EPB42: variants seen among roughly 807,000 people sequenced by gnomAD.
EPB42 encodes the protein protein 4.2.
In EPB42, 49 loss-of-function variants were observed where a neutral mutation model predicts 76.9. That is an observed-to-expected ratio of 0.64 (90% CI 0.51 to 0.81). EPB42 has a LOEUF of 0.81. EPB42 is among the 30% of genes least tolerant of loss of function. The pLI, the probability that EPB42 is intolerant of heterozygous loss-of-function variation, is 0.00. For missense variants in EPB42, 731 were observed against 867.6 expected, an observed-to-expected ratio of 0.84 and a Z score of 1.98; for synonymous variants, 310 against 338.4, an observed-to-expected ratio of 0.92 and a Z score of 0.92.
At chr15:43,209,930 G>T (rs1178399901) in intron 5 of EPB42, among the ~76,000 whole-genome samples, 2 of 152,200 alleles carry the variant, frequency 1.3e-5, no homozygotes, top group Non-Finnish European at 1.5e-5. Flanking sequence ...GAAAAGCACC[G>T]AGTTACCATC....
In EPB42 at chr15:43,206,026, T is replaced by G; in HGVS notation, c.1618+304A>C. ...GTACAATTTATTTGGGGGCAGCTTA[T>G]TCCAGCCTGGGGGGAGGTGCTCTCC... On this transcript the variant is annotated intron_variant, in intron 10 of 12. Coordinates refer to ENST00000441366, the MANE Select transcript of EPB42 (RefSeq NM_001114134.2). The surrounding 1 kb of genome is among the most constrained non-coding windows in gnomAD (Gnocchi z 4.7). The G allele has an allele frequency of 9.7e-6, 3 of 308,046 alleles. No homozygotes were observed. The highest frequency in any genetic ancestry group is 4.5e-5 in the Admixed American group (1 of 22,356). 19.1% of individuals were successfully genotyped at this position (308,046 alleles called of 1,614,324 possible). A position where few individuals can be genotyped will look rare whatever the true frequency, so the allele number is the denominator to read the frequency against.
At chr15:43,208,405 T>A (rs188822803) in intron 7 of EPB42, 72 bp from the exon 8 acceptor site, 1 of 1,521,116 alleles carries the variant, frequency 6.6e-7, no homozygotes, top group East Asian at 2.3e-5. Flanking sequence ...AAATGCAGCC[T>A]GGCAGAGCTG....
chr15:43,197,609 T>C, intron 12 of EPB42, 145 bp from the exon 13 acceptor site: 1 of 974,540 alleles, frequency 1.0e-6, no homozygotes, highest in Non-Finnish European at 1.5e-6. Flanking sequence ...TGGAAGTGTT[T>C]ATAAAGGAAT....
chr15:43,201,390 C>A (rs761794051), intron 12 of EPB42, among the ~76,000 whole-genome samples: 1 of 151,974 alleles, frequency 6.6e-6, no homozygotes, highest in Non-Finnish European at 1.5e-5. Flanking sequence ...ACATTTTATA[C>A]GTACGAATAA....
chr15:43,197,620 A>G (rs2042062920), intron 12 of EPB42, among the ~76,000 whole-genome samples, 156 bp from the exon 13 acceptor site: 1 of 152,390 alleles, frequency 6.6e-6, no homozygotes, highest in South Asian at 2.1e-4. Context: ...ATAAAGGAAT[A>G]GAAGACAGGA....
chr15:43,200,151 C>T (rs923591929), intron 12 of EPB42, among the ~76,000 whole-genome samples: 13 of 152,152 alleles, frequency 8.5e-5, no homozygotes, highest in African/African-American at 2.7e-4. Flanking sequence ...TCCTGGCCTG[C>T]CTATAAACCT....
At chr15:43,211,973 C>T (rs974374375) in intron 3 of EPB42, among the ~76,000 whole-genome samples, 4 of 151,896 alleles carry the variant, frequency 2.6e-5, no homozygotes, top group African/African-American at 4.8e-5. Flanking sequence ...GAGGCTGAAG[C>T]GGGAGGAAAC....
chr15:43,214,655 G>A (rs970186653), intron 3 of EPB42, among the ~76,000 whole-genome samples: 5 of 152,144 alleles, frequency 3.3e-5, no homozygotes, highest in African/African-American at 7.2e-5. Flanking sequence ...GTCCTGCAAA[G>A]CCTGAGTGCA....
rs767350197 is a variant in EPB42 at position 43,206,540 on chromosome 15, C to T, written c.1408G>A (p.Glu470Lys). 9 of 1,614,056 alleles carry T rather than the reference C, an allele frequency of 5.6e-6. No individual in the cohort carries two copies. The highest frequency in any genetic ancestry group is 1.6e-4 in the Middle Eastern group (1 of 6,084). ...AGCAGGTACAGAGGACTGGCAGTCT[C>T]GAGACTGGGAGGACGGATGCCGTTG... ...KDNGIRPPSL[E>K]TASPLYLLLK... Residue 470 changes from glutamate to lysine, a missense_variant, in exon 10 of 13, where the codon GAG becomes AAG. Coordinates refer to ENST00000441366, the MANE Select transcript of EPB42 (RefSeq NM_001114134.2). The surrounding 1 kb of genome is among the most constrained non-coding windows in gnomAD (Gnocchi z 4.7).
chr15:43,202,605 T>TA (rs1308348955), intron 11 of EPB42, among the ~76,000 whole-genome samples: 8 of 152,200 alleles, frequency 5.3e-5, no homozygotes, highest in African/African-American at 1.9e-4. Context: ...CTAACTAAAC[T>TA]ATAACCTGCT....
At chr15:43,216,581 C>T in intron 1 of EPB42, 128 bp from the exon 2 acceptor site, 1 of 975,638 alleles carries the variant, frequency 1.0e-6, no homozygotes, top group South Asian at 1.4e-5. Flanking sequence ...GCTGCGCAAT[C>T]CCAGGCAAGT....
At chr15:43,216,906 T>C (rs1051807601) in intron 1 of EPB42, among the ~76,000 whole-genome samples, 2 of 152,192 alleles carry the variant, frequency 1.3e-5, no homozygotes, top group Non-Finnish European at 2.9e-5. Flanking sequence ...TCCAATTCTC[T>C]TGTTTTATAG....
In EPB42 at chr15:43,215,083, G is replaced by C; in HGVS notation, c.430+12C>G. 1 of 1,611,860 alleles carries C rather than the reference G, an allele frequency of 6.2e-7. No homozygotes were observed. Among genetic ancestry groups the C allele is most frequent in the Non-Finnish European group, 8.5e-7 (1 of 1,178,662 alleles). On this transcript the variant is annotated intron_variant, in intron 3 of 12. Coordinates refer to ENST00000441366, the MANE Select transcript of EPB42 (RefSeq NM_001114134.2). ...CTCCATGCAGCCCAGGCTGGCCCAG[G>C]TCCAAACTTACCTCTATTCCAGGGG...
upstream of EPB42, among the ~76,000 whole-genome samples, chr15:43,221,847 G>GAAAAAAAAAAAAAA (rs2042464087): frequency 7.7e-6 from 1 of 130,070 alleles, no homozygotes. Flanking sequence ...AAAAAAAAAT[G>GAAAAAAAAAAAAAA]AAACTTCTGC....
At position 43,204,672 on chromosome 15, in the gene EPB42, T is replaced by A. The variant is rs2042173899; in HGVS notation, c.1619-1397A>T. Among the ~76,000 whole-genome samples, 3 of 152,108 alleles carry A rather than the reference T, an allele frequency of 2.0e-5. No homozygotes were observed. The South Asian group carries it at 6.2e-4, about 32-fold the overall frequency. On this transcript the variant is annotated intron_variant, in intron 10 of 12. Transcript: ENST00000441366. ...CACATTCACACATTCACAAGCCCCATCTATCTCAACTCCTTAATATGTTTT... is the reference window on the plus strand; with the variant it reads ...CACATTCACACATTCACAAGCCCCAACTATCTCAACTCCTTAATATGTTTT...
intron 3 of EPB42, among the ~76,000 whole-genome samples, chr15:43,213,395 C>T (rs2042329516): frequency 6.6e-6 from 1 of 152,208 alleles, no homozygotes; most frequent in Non-Finnish European, 1.5e-5. Flanking sequence ...GAAAACTTCT[C>T]AGTCACCTCC....
chr15:43,206,763 G>C lies in EPB42; in HGVS notation c.1319-134C>G. The stretch of plus-strand genomic sequence containing the variant: ...TCACAAGAACTCAGCAAGCCTCTAA[G>C]GCCATATTTAGCCCAAAAATGTCTG... On this transcript the variant is annotated intron_variant, in intron 9 of 12. Transcript: ENST00000441366. The surrounding 1 kb of genome is among the most constrained non-coding windows in gnomAD (Gnocchi z 4.7). The C allele has an allele frequency of 1.8e-6, 2 of 1,127,826 alleles. No homozygotes were observed. The highest frequency in any genetic ancestry group is 2.6e-6 in the Non-Finnish European group (2 of 778,522). 69.9% of individuals were successfully genotyped at this position (1,127,826 alleles called of 1,614,324 possible). A position where few individuals can be genotyped will look rare whatever the true frequency, so the allele number is the denominator to read the frequency against.
In EPB42 at chr15:43,201,925, T is replaced by C. The variant is rs200182122; in HGVS notation, c.1832A>G (p.Gln611Arg). The change falls in exon 12 of 13, where the codon CAG becomes CGG. Residue 611 changes from glutamine to arginine, a missense_variant. Transcript: ENST00000441366. ...YQPLTASVSL[Q>R]NSLDAPMEDC... is the part of the protein sequence containing the mutation. ...CTCCATGGGGGCATCTAGGGAGTTC[T>C]GGAGGCTGACTGAGGCTGTGAGGGG... 6.2e-7 allele frequency: 1 copy of C among 1,614,210 alleles called. No individual in the cohort carries two copies. The highest frequency in any genetic ancestry group is 2.2e-5 in the East Asian group (1 of 44,892).
Position 43,201,908 on chromosome 15 carries a change from G to A in EPB42, c.1849C>T (p.Pro617Ser). The change falls in exon 12 of 13, where the codon CCC becomes TCC. Residue 617 changes from proline to serine, a missense_variant. Transcript: ENST00000441366. ...SVSLQNSLDA[P>S]MEDCVISILG... is the part of the protein sequence containing the mutation. ...ATGGAGATCACACAGTCCTCCATGG[G>A]GGCATCTAGGGAGTTCTGGAGGCTG... 1 of 1,614,134 alleles carries A rather than the reference G, an allele frequency of 6.2e-7. No individual in the cohort carries two copies. Among genetic ancestry groups the A allele is most frequent in the Non-Finnish European group, 8.5e-7 (1 of 1,180,010 alleles).
Sources: gnomAD v4.1 joint callset for allele counts (sites outside exome capture counted in the v4.1 genomes callset) on GRCh38, gnomAD v4.1.1 for gene constraint, Gnocchi (gnomAD v3.1) non-coding constraint, MANE v1.5 for transcripts, NCBI Gene and HGNC (gene_info 2026-07-23, HGNC 2026-07-21) for gene names.